CDK8: variants seen among roughly 807,000 people sequenced by gnomAD.
The protein encoded by CDK8 is cyclin-dependent kinase 8.
CDK8 carries 29 observed loss-of-function variants against 71.5 expected under a neutral mutation model. The observed-to-expected ratio is 0.41, with a 90% CI of 0.30 to 0.55. The LOEUF (loss-of-function observed/expected upper bound fraction) is 0.55. CDK8 is among the 20% of genes least tolerant of loss of function. CDK8 has a pLI of 0.37. For synonymous variants in CDK8, 161 were observed against 192.1 expected (o/e 0.84, Z 1.34); for missense variants, 288 against 572.6 (o/e 0.50, Z 5.07).
chr13:26,363,669 C>T lies in CDK8; in HGVS notation c.456+9789C>T, dbSNP rs534211692. Reference sequence around the variant, plus strand: ...ACAGGCACAAACAACCTTGCCCAGCCTGATTTATTATTACTTTTTAAATCT... The same window carrying T: ...ACAGGCACAAACAACCTTGCCCAGCTTGATTTATTATTACTTTTTAAATCT... On this transcript the variant is annotated intron_variant, in intron 4 of 12. Coordinates refer to ENST00000381527, the MANE Select transcript of CDK8 (RefSeq NM_001260.3). 8.5e-4 allele frequency among the ~76,000 whole-genome samples: 130 copies of T among 152,206 alleles called. 1 individual carries two copies. Among genetic ancestry groups the T allele is most frequent in the African/African-American group, 3.0e-3 (125 of 41,514 alleles).
chr13:26,262,711 C>T (rs1871826285), intron 1 of CDK8, among the ~76,000 whole-genome samples: 1 of 152,198 alleles, frequency 6.6e-6, no homozygotes, highest in South Asian at 2.1e-4. Flanking sequence ...TGGATCAAAT[C>T]TGTATTTCTA....
At chr13:26,285,492 C>T (rs956874815) in intron 1 of CDK8, among the ~76,000 whole-genome samples, 1 of 152,106 alleles carries the variant, frequency 6.6e-6, no homozygotes, top group Non-Finnish European at 1.5e-5. Context: ...GGAGATACCT[C>T]GAAGTAATAA....
At chr13:26,347,840 C>T (rs1593279185) in intron 2 of CDK8, among the ~76,000 whole-genome samples, 1 of 152,070 alleles carries the variant, frequency 6.6e-6, no homozygotes, top group Non-Finnish European at 1.5e-5. Context: ...TCATACATTG[C>T]AGATGGGAAT....
chr13:26,383,522 C>G (rs947633902), intron 5 of CDK8, among the ~76,000 whole-genome samples: 1 of 151,960 alleles, frequency 6.6e-6, no homozygotes, highest in Non-Finnish European at 1.5e-5. Flanking sequence ...TTTTCATTGT[C>G]ATTTCCAAGT....
At chr13:26,321,212 G>T (rs892508439) in intron 1 of CDK8, among the ~76,000 whole-genome samples, 3 of 152,166 alleles carry the variant, frequency 2.0e-5, no homozygotes, top group Non-Finnish European at 4.4e-5. Context: ...CCTTAAAAAG[G>T]TAGGAAATTC....
chr13:26,363,947 A>G (rs1874264317), intron 4 of CDK8, among the ~76,000 whole-genome samples: 1 of 152,180 alleles, frequency 6.6e-6, no homozygotes, highest in Non-Finnish European at 1.5e-5. Flanking sequence ...TTTGAGTGAC[A>G]AAGTGAAAAA....
In CDK8 at chr13:26,338,949, G is replaced by A. The variant is rs138572319; in HGVS notation, c.204+1307G>A. 4.4e-5 allele frequency among the ~76,000 whole-genome samples: 6 copies of A among 137,252 alleles called. No homozygotes were observed. In the East Asian group the frequency reaches 1.3e-3, roughly 30 times the overall value. The allele number at this position is 137,252 out of a possible 152,430, so 90.0% of individuals were successfully genotyped here. A position where few individuals can be genotyped will look rare whatever the true frequency, so the allele number is the denominator to read the frequency against. On this transcript the variant is annotated intron_variant, in intron 2 of 12. Coordinates refer to ENST00000381527, the MANE Select transcript of CDK8 (RefSeq NM_001260.3). ...CTTATTGTTCACATGCTTTTCTCTT[G>A]TTTATTAGTCTTTAACAAACTGTTT...
At chr13:26,263,413 C>T (rs151236838) in intron 1 of CDK8, among the ~76,000 whole-genome samples, 2,128 of 152,086 alleles carry the variant, frequency 0.014, 42 homozygotes, top group African/African-American at 0.049. Context: ...GGATTACAGG[C>T]GTGAGCCACC....
intron 7 of CDK8, among the ~76,000 whole-genome samples, chr13:26,395,007 T>C (rs1199871863): frequency 6.6e-6 from 1 of 152,170 alleles, no homozygotes; most frequent in Non-Finnish European, 1.5e-5. Context: ...CTAAAGATTA[T>C]CTTAAAATTT....
At chr13:26,330,013 C>A (rs7992413) in intron 1 of CDK8, among the ~76,000 whole-genome samples, 1 of 152,230 alleles carries the variant, frequency 6.6e-6, no homozygotes, top group East Asian at 1.9e-4. Context: ...CAGGGCCTCC[C>A]TCTCTTCCTG....
intron 1 of CDK8, among the ~76,000 whole-genome samples, chr13:26,336,888 C>A (rs994203143): frequency 5.9e-5 from 9 of 152,110 alleles, no homozygotes; most frequent in Admixed American, 3.3e-4. Flanking sequence ...TCCACCAAGT[C>A]CCCTTTGAGT....
At chr13:26,286,835 G>T (rs1213160366) in intron 1 of CDK8, among the ~76,000 whole-genome samples, 2 of 152,120 alleles carry the variant, frequency 1.3e-5, no homozygotes, top group Non-Finnish European at 2.9e-5. Context: ...CAAAAAGTGG[G>T]CAAGGGACAT....
intron 1 of CDK8, among the ~76,000 whole-genome samples, chr13:26,297,876 G>A (rs1174839869): frequency 6.6e-6 from 1 of 152,154 alleles, no homozygotes; most frequent in Non-Finnish European, 1.5e-5. Flanking sequence ...CAGGGTGCCA[G>A]CATGATTGGG....
chr13:26,334,045 T>C (rs1872870934), intron 1 of CDK8, among the ~76,000 whole-genome samples: 1 of 152,228 alleles, frequency 6.6e-6, no homozygotes, highest in Non-Finnish European at 1.5e-5. Context: ...TCAGATGTCA[T>C]TTATAATTTA....
intron 1 of CDK8, among the ~76,000 whole-genome samples, chr13:26,273,593 T>C (rs1248743276): frequency 6.6e-6 from 1 of 151,942 alleles, no homozygotes; most frequent in Non-Finnish European, 1.5e-5. Flanking sequence ...ACAGTTTAAC[T>C]TTTTCTGTGC....
At chr13:26,268,306 CACAG>C (rs1333669417) in intron 1 of CDK8, among the ~76,000 whole-genome samples, 41 of 105,140 alleles carry the variant, frequency 3.9e-4, no homozygotes, top group Non-Finnish European at 6.6e-4. Context: ...CACACACACA[CACAG>C]TCCTGTGTAT....
intron 1 of CDK8, among the ~76,000 whole-genome samples, chr13:26,314,757 A>G (rs1238928385): frequency 5.9e-5 from 9 of 152,182 alleles, no homozygotes; most frequent in Admixed American, 2.6e-4. Flanking sequence ...TTTTATTCGG[A>G]TAACTGTCTT....
chr13:26,285,712 A>C (rs574267036), intron 1 of CDK8, among the ~76,000 whole-genome samples: 2 of 152,202 alleles, frequency 1.3e-5, no homozygotes, highest in Non-Finnish European at 2.9e-5. Flanking sequence ...GTCACTGTTC[A>C]CCAATGATAT....
At chr13:26,376,917 G>A (rs1335020831) in intron 4 of CDK8, among the ~76,000 whole-genome samples, 1 of 152,182 alleles carries the variant, frequency 6.6e-6, no homozygotes, top group Admixed American at 6.5e-5. Flanking sequence ...GTTTAACTTG[G>A]TATTAATAGA....
Sources: gnomAD v4.1 joint callset for allele counts (sites outside exome capture counted in the v4.1 genomes callset) on GRCh38, gnomAD v4.1.1 for gene constraint, MANE v1.5 for transcripts, NCBI Gene and HGNC (gene_info 2026-07-23, HGNC 2026-07-21) for gene names.